MYO5B: variants seen among roughly 807,000 people sequenced by gnomAD.
MYO5B encodes unconventional myosin-Vb.
Under a neutral mutation model 229.3 loss-of-function variants are expected in MYO5B, and 143 were observed. The observed-to-expected ratio is 0.62, with a 90% confidence interval of 0.54 to 0.72. The LOEUF (loss-of-function observed/expected upper bound fraction) is 0.72. Ranked by LOEUF, MYO5B falls within the 30% of genes least tolerant of loss-of-function variation. MYO5B has a pLI of 0.00. For missense variants in MYO5B, 2,321 were observed against 2,331.0 expected, an observed-to-expected ratio of 1.00 and a Z score of 0.09; for synonymous variants, 918 against 885.2, an observed-to-expected ratio of 1.04 and a Z score of -0.66.
chr18:49,978,834 G>A (rs2144290659), intron 9 of MYO5B, among the ~76,000 whole-genome samples: 1 of 151,918 alleles, frequency 6.6e-6, no homozygotes, highest in East Asian at 1.9e-4. Flanking sequence ...GTGTTGGGCG[G>A]GCTGGAGGTC....
intron 1 of MYO5B, among the ~76,000 whole-genome samples, chr18:50,116,536 A>G (rs1360461805): frequency 6.6e-6 from 1 of 152,126 alleles, no homozygotes; most frequent in Non-Finnish European, 1.5e-5. Context: ...CAAAAAAAGA[A>G]AAAAAAACCT....
chr18:49,963,205 T>A (rs117996919), intron 10 of MYO5B, among the ~76,000 whole-genome samples, 175 bp from the exon 11 acceptor site: 2 of 152,024 alleles, frequency 1.3e-5, no homozygotes, highest in African/African-American at 4.8e-5. Context: ...CAGAGCCTAA[T>A]TGAAGAACAT....
intron 39 of MYO5B, among the ~76,000 whole-genome samples, chr18:49,833,005 GA>G (rs202103311): frequency 2.6e-5 from 4 of 151,984 alleles, no homozygotes; most frequent in African/African-American, 4.8e-5. Context: ...GAGGCTCTGG[GA>G]AAAAAAGTCA....
intron 12 of MYO5B, among the ~76,000 whole-genome samples, chr18:49,959,137 C>CCT (rs2025528517): frequency 6.6e-6 from 1 of 151,540 alleles, no homozygotes; most frequent in Non-Finnish European, 1.5e-5. Context: ...TGGAACACCC[C>CCT]CTCCTCATCT....
At chr18:50,177,787 G>A (rs545969679) in intron 1 of MYO5B, among the ~76,000 whole-genome samples, 38 of 152,334 alleles carry the variant, frequency 2.5e-4, no homozygotes, top group African/African-American at 8.2e-4. Context: ...AGGAAGGCAT[G>A]TTGAGAGACT....
chr18:50,194,130 G>A (rs1286554209), intron 1 of MYO5B, among the ~76,000 whole-genome samples: 3 of 152,200 alleles, frequency 2.0e-5, no homozygotes, highest in African/African-American at 7.2e-5. Flanking sequence ...GCTCTTCCCT[G>A]GGGTCTCCGG....
intron 13 of MYO5B, 25 bp downstream of exon 13, chr18:49,954,288 C>A (rs1014696430): frequency 1.6e-5 from 26 of 1,613,210 alleles, no homozygotes; most frequent in Non-Finnish European, 8.5e-7. Flanking sequence ...AAGGGAATAC[C>A]CGAGCCAACA....
chr18:49,950,241 G>A (rs2025417913), intron 14 of MYO5B, among the ~76,000 whole-genome samples: 1 of 152,138 alleles, frequency 6.6e-6, no homozygotes, highest in African/African-American at 2.4e-5. Flanking sequence ...GACAGGGGTG[G>A]CAAAAAGGTC....
intron 1 of MYO5B, among the ~76,000 whole-genome samples, chr18:50,093,987 G>A (rs1309055528): frequency 6.6e-6 from 1 of 152,144 alleles, no homozygotes; most frequent in African/African-American, 2.4e-5. Context: ...CCAACCAGCA[G>A]CCCTTGGGGC....
At chr18:50,094,351 T>C (rs1213250989) in intron 1 of MYO5B, among the ~76,000 whole-genome samples, 1 of 152,188 alleles carries the variant, frequency 6.6e-6, no homozygotes, top group Non-Finnish European at 1.5e-5. Flanking sequence ...AGTGTAACTC[T>C]GAGCAGGTGG....
intron 4 of MYO5B, among the ~76,000 whole-genome samples, chr18:50,005,662 C>T (rs558227832): frequency 4.6e-5 from 7 of 152,166 alleles, no homozygotes; most frequent in Non-Finnish European, 1.0e-4. Flanking sequence ...AGCAATCTGC[C>T]CACCCTGGCC....
At chr18:49,911,914 C>A in intron 18 of MYO5B, 148 bp downstream of exon 18, 1 of 725,880 alleles carries the variant, frequency 1.4e-6, no homozygotes, top group Non-Finnish European at 2.4e-6. Flanking sequence ...TTTTTCTAGT[C>A]ACTGATGTAG....
chr18:50,157,610 T>G (rs1307181489), intron 1 of MYO5B, among the ~76,000 whole-genome samples: 1 of 152,180 alleles, frequency 6.6e-6, no homozygotes, highest in Admixed American at 6.5e-5. Context: ...AAGCCCTTTT[T>G]CCTCACTAGC....
chr18:50,109,614 G>A (rs1019303912), intron 1 of MYO5B, among the ~76,000 whole-genome samples: 5 of 151,972 alleles, frequency 3.3e-5, no homozygotes, highest in Non-Finnish European at 7.4e-5. Context: ...TTTTAGTAGA[G>A]ACAGGGTCTC....
intron 1 of MYO5B, among the ~76,000 whole-genome samples, chr18:50,140,929 C>A (rs992901680): frequency 1.3e-5 from 2 of 152,190 alleles, no homozygotes; most frequent in African/African-American, 4.8e-5. Context: ...AAGCATGAAA[C>A]GTGTTACTTT....
chr18:49,902,633 C>T lies in MYO5B; in HGVS notation c.2772G>A (p.Glu924=), dbSNP rs759151126. 3.3e-5 allele frequency: 54 copies of T among 1,613,274 alleles called. No homozygotes were observed. The highest frequency in any genetic ancestry group is 4.3e-5 in the Non-Finnish European group (51 of 1,180,034). ...EHLKRLNVGM[E]NKVVQLQRKI... ...TCCGCTGCAGCTGGACCACCTTGTT[C>T]TCCATGCCCACGTTGAGACGTTTCA... The change falls in exon 21 of 40, where the codon GAG becomes GAA. Residue 924 remains glutamate, a synonymous_variant. Coordinates refer to ENST00000285039, the MANE Select transcript of MYO5B (RefSeq NM_001080467.3).
At position 50,017,515 on chromosome 18, in the gene MYO5B, G is replaced by T. The variant is rs113054180; in HGVS notation, c.456-16104C>A. 9.8e-5 allele frequency among the ~76,000 whole-genome samples: 15 copies of T among 152,288 alleles called. No homozygotes were observed. In the South Asian group the frequency reaches 2.5e-3, roughly 25 times the overall value. On this transcript the variant is annotated intron_variant, in intron 4 of 39. Transcript: ENST00000285039. Reference sequence around the variant, plus strand: ...TAGCCAAACAATATAATATCTCATTGTAAGGAGAGATTATATTTTAATTTT... The same window carrying T: ...TAGCCAAACAATATAATATCTCATTTTAAGGAGAGATTATATTTTAATTTT...
chr18:50,008,948 T>C (rs1274455380), intron 4 of MYO5B, among the ~76,000 whole-genome samples: 4 of 152,220 alleles, frequency 2.6e-5, no homozygotes, highest in African/African-American at 9.6e-5. Flanking sequence ...TGCTAGAGAA[T>C]ACATAGAATT....
At chr18:50,009,014 A>G (rs2026133187) in intron 4 of MYO5B, among the ~76,000 whole-genome samples, 1 of 152,220 alleles carries the variant, frequency 6.6e-6, no homozygotes, top group Admixed American at 6.5e-5. Context: ...GAGAGTATTA[A>G]TACTTGGAAG....
Sources: gnomAD v4.1 joint callset for allele counts (sites outside exome capture counted in the v4.1 genomes callset) on GRCh38, gnomAD v4.1.1 for gene constraint, MANE v1.5 for transcripts, NCBI Gene and HGNC (gene_info 2026-07-23, HGNC 2026-07-21) for gene names.